The following SCN1A variants were observed in gnomAD, a reference collection of about 807,000 sequenced individuals.
SCN1A encodes sodium voltage-gated channel alpha subunit 1.
In SCN1A, 13 loss-of-function variants were observed where a neutral mutation model predicts 193.7. That is an observed-to-expected ratio of 0.07 (90% CI 0.04 to 0.11). The LOEUF (loss-of-function observed/expected upper bound fraction) is 0.11. Among genes scored for constraint, SCN1A ranks in the 10% least tolerant of loss-of-function variants. The pLI is 1.00. For synonymous variants in SCN1A, 781 were observed against 843.6 expected (o/e 0.93, Z 1.29); for missense variants, 1,432 against 2,451.1 (o/e 0.58, Z 8.78).
rs1232081678 is a variant in SCN1A, at chr2:165,992,712, A to G, written c.4853-290T>C. 4 of 168,368 alleles carry G rather than the reference A, an allele frequency of 2.4e-5. No individual in the cohort carries two copies. Among genetic ancestry groups the G allele is most frequent in the Non-Finnish European group, 3.7e-5 (3 of 81,064 alleles). The allele number at this position is 168,368 out of a possible 1,614,324, so 10.4% of individuals were successfully genotyped here. A position where few individuals can be genotyped will look rare whatever the true frequency, so the allele number is the denominator to read the frequency against. ...GTCCCAAGTCAGAATTTAAAAAGAA[A>G]ATAAGTTAAAAATGCACATTTGGCC... On this transcript the variant is annotated intron_variant, in intron 28 of 28. Coordinates refer to ENST00000674923, the MANE Select transcript of SCN1A (RefSeq NM_001165963.4). The surrounding 1 kb of genome is among the most constrained non-coding windows in gnomAD (Gnocchi z 6.5).
intron 2 of SCN1A, among the ~76,000 whole-genome samples, chr2:166,095,617 T>C (rs2106108398): frequency 6.6e-6 from 1 of 152,324 alleles, no homozygotes; most frequent in South Asian, 2.1e-4. Context: ...TTCTACCAAA[T>C]TTGTGACTAA....
At chr2:166,107,701 T>A in intron 2 of SCN1A, among the ~76,000 whole-genome samples, 1 of 152,124 alleles carries the variant, frequency 6.6e-6, no homozygotes, top group East Asian at 1.9e-4. Context: ...TAACATAATT[T>A]AATTGGGAAA....
chr2:166,022,571 T>C (rs1045326025), intron 19 of SCN1A, among the ~76,000 whole-genome samples: 1 of 152,184 alleles, frequency 6.6e-6, no homozygotes, highest in East Asian at 1.9e-4. Flanking sequence ...AATTCTAAGA[T>C]GGTCTCCAAA....
At chr2:166,106,492 G>C (rs997255596) in intron 2 of SCN1A, among the ~76,000 whole-genome samples, 2 of 152,028 alleles carry the variant, frequency 1.3e-5, no homozygotes, top group Non-Finnish European at 2.9e-5. Context: ...TTGGGCTACT[G>C]TTGGGCAAGC....
At chr2:166,098,562 A>T (rs935902819) in intron 2 of SCN1A, among the ~76,000 whole-genome samples, 6 of 152,176 alleles carry the variant, frequency 3.9e-5, no homozygotes, top group African/African-American at 1.4e-4. Flanking sequence ...AGGAAGTCAA[A>T]CTATCTCTCT....
At chr2:166,013,677 A>T (rs1559148372) in intron 21 of SCN1A, 67 bp downstream of exon 21, 1 of 1,409,566 alleles carries the variant, frequency 7.1e-7, no homozygotes, top group Non-Finnish European at 1.0e-6. Flanking sequence ...ACAAAGGATT[A>T]ATAAGTCATC....
intron 2 of SCN1A, among the ~76,000 whole-genome samples, chr2:166,115,171 A>G (rs1366476781): frequency 6.6e-6 from 1 of 152,136 alleles, no homozygotes; most frequent in African/African-American, 2.4e-5. Flanking sequence ...CAGCCTGGTC[A>G]ACATGATGAA....
At chr2:165,993,282 A>G (rs1390167689) in intron 28 of SCN1A, 1 of 151,864 alleles carries the variant, frequency 6.6e-6, no homozygotes, top group Non-Finnish European at 1.5e-5. Context: ...GTTATAACCA[A>G]GGATTATAAT....
intron 23 of SCN1A, among the ~76,000 whole-genome samples, chr2:166,008,073 C>A (rs1691895275): frequency 6.6e-6 from 1 of 151,196 alleles, no homozygotes; most frequent in Non-Finnish European, 1.5e-5. Flanking sequence ...ACCATTTAAA[C>A]TATTAGTTAT....
At chr2:166,037,349 C>T (rs1696519950) in intron 18 of SCN1A, among the ~76,000 whole-genome samples, 1 of 152,086 alleles carries the variant, frequency 6.6e-6, no homozygotes, top group African/African-American at 2.4e-5. Context: ...ACTTTTTAGT[C>T]CTAGTCTGGA....
chr2:166,147,775 G>T (rs1015089807), intron 1 of SCN1A, among the ~76,000 whole-genome samples: 4 of 152,190 alleles, frequency 2.6e-5, no homozygotes, highest in African/African-American at 9.7e-5. Flanking sequence ...GCATACAATT[G>T]TAAGTGGTAT....
At chr2:166,074,943 G>GTCTA (rs775644346) in intron 3 of SCN1A, among the ~76,000 whole-genome samples, 1 of 152,148 alleles carries the variant, frequency 6.6e-6, no homozygotes, top group Non-Finnish European at 1.5e-5. Flanking sequence ...TGTACCCTTA[G>GTCTA]TCTACTAAGT....
At position 166,054,745 on chromosome 2, in the gene SCN1A, A is replaced by G. The variant is rs547496777; in HGVS notation, c.495T>C (p.Tyr165=). The change falls in exon 7 of 29, where the codon TAT becomes TAC. Residue 165 remains tyrosine, a synonymous_variant. Transcript: ENST00000674923. ...TAATTTTTATAAGTGATTCAAAAGT[A>G]TATATTCCTGTGAAGGTGTATCTGA... ...KNVEYTFTGI[Y]TFESLIKIIA... is the part of the protein sequence containing the mutation. 6 of 1,611,450 alleles carry G rather than the reference A, an allele frequency of 3.7e-6. No homozygotes were observed. Among genetic ancestry groups the G allele is most frequent in the Non-Finnish European group, 4.2e-6 (5 of 1,178,256 alleles).
chr2:166,012,612 CTTTTTTTTTTTTT>C (rs60890420), intron 21 of SCN1A, among the ~76,000 whole-genome samples: 2 of 77,230 alleles, frequency 2.6e-5, no homozygotes, highest in African/African-American at 1.0e-4. Context: ...CTTCTATTGG[CTTTTTTTTTTTTT>C]TTTTTTTTTT....
At chr2:166,141,937 C>CT (rs11379258) in intron 1 of SCN1A, among the ~76,000 whole-genome samples, 122,757 of 151,982 alleles carry the variant, frequency 0.81, 50,187 homozygotes, top group African/African-American at 0.94. Flanking sequence ...GCATAAGAAA[C>CT]TGTTTCCATC....
intron 19 of SCN1A, among the ~76,000 whole-genome samples, chr2:166,031,571 C>A (rs1695557366): frequency 6.6e-6 from 1 of 152,008 alleles, no homozygotes; most frequent in African/African-American, 2.4e-5. Context: ...GTATCACCAT[C>A]CCCAGATAAA....
chr2:166,036,652 A>G (rs1002521512), intron 18 of SCN1A, 122 bp from the exon 19 acceptor site: 4 of 942,400 alleles, frequency 4.2e-6, no homozygotes, highest in Non-Finnish European at 6.4e-6. Flanking sequence ...GATGAGAAGG[A>G]AACACCACAG....
intron 1 of SCN1A, among the ~76,000 whole-genome samples, chr2:166,143,327 C>T (rs994173017): frequency 1.4e-4 from 21 of 151,932 alleles, no homozygotes; most frequent in East Asian, 3.9e-4. Context: ...CCACCACGCC[C>T]GGCTAATTTT....
chr2:165,995,368 G>A (rs1689875384), intron 27 of SCN1A, among the ~76,000 whole-genome samples: 9 of 151,730 alleles, frequency 5.9e-5, no homozygotes, highest in Non-Finnish European at 1.0e-4. Context: ...TATTTATAGT[G>A]TGGGATAATA....
Sources: allele counts gnomAD v4.1 joint callset (sites outside exome capture counted in the v4.1 genomes callset), GRCh38; gene constraint gnomAD v4.1.1; non-coding constraint Gnocchi (gnomAD v3.1); transcripts MANE v1.5; gene names NCBI Gene and HGNC (gene_info 2026-07-23, HGNC 2026-07-21).